CCDC62: variants seen among roughly 807,000 people sequenced by gnomAD.
CCDC62 encodes coiled-coil domain containing 62.
In CCDC62, 72 loss-of-function variants were observed where a neutral mutation model predicts 80.8. The ratio of observed to expected loss-of-function variants is 0.89; its 90% CI spans 0.74 to 1.08. The LOEUF (loss-of-function observed/expected upper bound fraction) is 1.08, where lower values mean the gene tolerates loss of function less well. Ranked by LOEUF, CCDC62 falls within the 50% of genes least tolerant of loss-of-function variation. The pLI, the probability that CCDC62 is intolerant of heterozygous loss-of-function variation, is 0.00. For missense variants in CCDC62, 704 were observed against 809.4 expected (o/e 0.87, Z 1.58); for synonymous variants, 286 against 296.5 (o/e 0.96, Z 0.36).
chr12:122,825,419 T>A (rs1235492278), intron 12 of CCDC62, among the ~76,000 whole-genome samples: 2 of 146,668 alleles, frequency 1.4e-5, no homozygotes, highest in Non-Finnish European at 3.0e-5. Context: ...CGATCTCAGC[T>A]CACTGCAACC....
At chr12:122,823,798 C>T (rs887849441) in intron 12 of CCDC62, among the ~76,000 whole-genome samples, 4 of 150,126 alleles carry the variant, frequency 2.7e-5, no homozygotes, top group Admixed American at 1.3e-4. Flanking sequence ...GTCAGGAGTT[C>T]GAGACCAGCC....
At chr12:122,825,527 TGTA>T (rs1350100690) in intron 12 of CCDC62, among the ~76,000 whole-genome samples, 10 of 146,266 alleles carry the variant, frequency 6.8e-5, no homozygotes, top group Middle Eastern at 3.5e-3. Flanking sequence ...TTTTTTTTTT[TGTA>T]TTTTTAGTAG....
chr12:122,813,699 C>G (rs1183897779), intron 11 of CCDC62, among the ~76,000 whole-genome samples: 3 of 152,128 alleles, frequency 2.0e-5, no homozygotes, highest in Non-Finnish European at 4.4e-5. Context: ...TCTTGTCGCC[C>G]AGGCTGAGGT....
chr12:122,808,880 A>ATGCTCCGGTCCCAGC (rs2031739722), intron 10 of CCDC62, among the ~76,000 whole-genome samples: 1 of 152,176 alleles, frequency 6.6e-6, no homozygotes, highest in Non-Finnish European at 1.5e-5. Context: ...TGTGGTGCTG[A>ATGCTCCGGTCCCAGC]TGCTCCGGTC....
At chr12:122,825,993 CAAAAAAA>C (rs61129769) in intron 12 of CCDC62, among the ~76,000 whole-genome samples, 1 of 110,372 alleles carries the variant, frequency 9.1e-6, no homozygotes, top group Admixed American at 1.1e-4. Context: ...AACTCCGTCT[CAAAAAAA>C]AAAAAAAAAA....
At chr12:122,806,409 T>TTG in intron 10 of CCDC62, 114 bp downstream of exon 10, 2 of 616,814 alleles carry the variant, frequency 3.2e-6, no homozygotes, top group African/African-American at 3.7e-5. Context: ...CCTCCGTTTT[T>TTG]TTTTTTTTTT....
At chr12:122,801,082 G>A (rs1215627010) in intron 8 of CCDC62, 42 bp from the exon 9 acceptor site, 3 of 1,554,380 alleles carry the variant, frequency 1.9e-6, no homozygotes, top group African/African-American at 2.8e-5. Flanking sequence ...ATAGCATCAA[G>A]TATATCTTAT....
At chr12:122,781,685 CAAAAAAA>C (rs200444250) in intron 3 of CCDC62, among the ~76,000 whole-genome samples, 1 of 136,802 alleles carries the variant, frequency 7.3e-6, no homozygotes, top group Non-Finnish European at 1.6e-5. Context: ...AACTCTGTCT[CAAAAAAA>C]AAAAGAAAAA....
intron 9 of CCDC62, among the ~76,000 whole-genome samples, chr12:122,802,775 C>T (rs1440094682): frequency 6.6e-6 from 1 of 151,974 alleles, no homozygotes; most frequent in Non-Finnish European, 1.5e-5. Context: ...CACCTGTAGT[C>T]CCAGTACTTG....
At chr12:122,815,936 C>G (rs142165917) in intron 11 of CCDC62, among the ~76,000 whole-genome samples, 1 of 152,114 alleles carries the variant, frequency 6.6e-6, no homozygotes, top group East Asian at 1.9e-4. Flanking sequence ...CCTTATTTCA[C>G]GAAATGCTCT....
intron 7 of CCDC62, among the ~76,000 whole-genome samples, chr12:122,797,621 A>G (rs2031040552): frequency 6.6e-6 from 1 of 151,936 alleles, no homozygotes; most frequent in Non-Finnish European, 1.5e-5. Flanking sequence ...GCTCACTGCA[A>G]CCTCCACCTC....
At chr12:122,818,358 C>T (rs568369023) in intron 11 of CCDC62, among the ~76,000 whole-genome samples, 47 of 149,046 alleles carry the variant, frequency 3.2e-4, no homozygotes, top group Non-Finnish European at 5.5e-4. Context: ...AAGGCTGAGG[C>T]AGGAGAATGG....
chr12:122,818,400 C>T (rs560797007), intron 11 of CCDC62, among the ~76,000 whole-genome samples: 31 of 150,534 alleles, frequency 2.1e-4, no homozygotes, highest in Non-Finnish European at 3.1e-4. Context: ...TTGCAGTGAG[C>T]CAAGATCGTG....
chr12:122,812,777 G>GAGAGAGAGAGAAAGAA (rs750420995), intron 10 of CCDC62, among the ~76,000 whole-genome samples: 13 of 57,784 alleles, frequency 2.2e-4, no homozygotes, highest in African/African-American at 1.0e-3. Flanking sequence ...GAGAGAGAGA[G>GAGAGAGAGAGAAAGAA]AGAAAGAAAG....
In CCDC62 at chr12:122,801,304, GT is replaced by G. The variant is rs769063593; in HGVS notation, c.1161del (p.Phe387LeufsTer6). The G allele has an allele frequency of 6.2e-7, 1 of 1,614,120 alleles. No homozygotes were observed. The highest frequency in any genetic ancestry group is 8.5e-7 in the Non-Finnish European group (1 of 1,180,016). On this transcript the variant is annotated frameshift_variant, in exon 9 of 13. Transcript: ENST00000253079. LOFTEE classifies it high-confidence loss of function. ...AGAAGAAACAACAGATCGATACTGT[GT>G]TTGGGGAGAAAAGTGTAATTACGCT... ...KEKKQQIDTV[F>X]GEKSVITLSS...
At chr12:122,780,836 C>A (rs1593779635) in intron 2 of CCDC62, among the ~76,000 whole-genome samples, 1 of 151,864 alleles carries the variant, frequency 6.6e-6, no homozygotes, top group East Asian at 1.9e-4. Flanking sequence ...TTATATGGTT[C>A]AAATTAAGCT....
Position 122,826,485 on chromosome 12 carries a change from A to G in CCDC62, c.*104A>G, listed in dbSNP as rs1160851775. ...TACTGAATGAATACTTAACCGTAAAACTGAAAGAGGATTCTAGTTCTTCAT... is the reference window on the plus strand; with the variant it reads ...TACTGAATGAATACTTAACCGTAAAGCTGAAAGAGGATTCTAGTTCTTCAT... On this transcript the variant is annotated 3_prime_UTR_variant, in exon 13 of 13. Coordinates refer to ENST00000253079, the MANE Select transcript of CCDC62 (RefSeq NM_201435.5). 3.9e-6 allele frequency: 3 copies of G among 775,698 alleles called. No individual in the cohort carries two copies. Among genetic ancestry groups the G allele is most frequent in the Non-Finnish European group, 4.8e-6 (2 of 415,952 alleles). 48.1% of individuals were successfully genotyped at this position (775,698 alleles called of 1,614,324 possible). A position where few individuals can be genotyped will look rare whatever the true frequency, so the allele number is the denominator to read the frequency against.
intron 8 of CCDC62, among the ~76,000 whole-genome samples, chr12:122,799,173 A>G (rs1467992923): frequency 1.3e-5 from 2 of 152,234 alleles, no homozygotes; most frequent in African/African-American, 4.8e-5. Flanking sequence ...ACCCAATCTA[A>G]GAATTTTAGT....
intron 5 of CCDC62, among the ~76,000 whole-genome samples, chr12:122,791,284 G>A (rs1220075666): frequency 2.0e-5 from 3 of 151,744 alleles, no homozygotes; most frequent in Non-Finnish European, 2.9e-5. Flanking sequence ...GATTACAGTC[G>A]CCCACCACCA....
Sources: allele counts gnomAD v4.1 joint callset (sites outside exome capture counted in the v4.1 genomes callset), GRCh38; gene constraint gnomAD v4.1.1; transcripts MANE v1.5; gene names NCBI Gene and HGNC (gene_info 2026-07-23, HGNC 2026-07-21).